Variants in ZNF841 observed in about 807,000 individuals in gnomAD.
ZNF841 encodes zinc finger protein 841.
Under a neutral mutation model 13.0 loss-of-function variants are expected in ZNF841, and 11 were observed. The ratio of observed to expected loss-of-function variants is 0.85; its 90% confidence interval spans 0.53 to 1.40. ZNF841 has a LOEUF of 1.40. Among genes scored for constraint, ZNF841 ranks in the 40% most tolerant of loss-of-function variants. ZNF841 has a pLI of 0.00. For missense variants in ZNF841, 1,068 were observed against 1,139.5 expected, an observed-to-expected ratio of 0.94 and a Z score of 0.90; for synonymous variants, 369 against 381.6, an observed-to-expected ratio of 0.97 and a Z score of 0.38.
At position 52,065,867 on chromosome 19, in the gene ZNF841, A is replaced by C. The variant is rs758713029; in HGVS notation, c.2015T>G (p.Leu672Arg). Residue 672 changes from leucine (L) to arginine (R), a missense_variant, in exon 7 of 7, where the codon CTG becomes CGG. Transcript: ENST00000594440. ...AGGGTTCTCTCCAGTATGAATTACC[A>C]GATGTTTAGTGAGGCTTGAACGCTG... ...YTQRSSLTKH[L>R]VIHTGENPYH... The C allele has an allele frequency of 5.0e-6, 8 of 1,613,816 alleles. No homozygotes were observed. The highest frequency in any genetic ancestry group is 1.7e-4 in the Middle Eastern group (1 of 6,058).
intron 4 of ZNF841, among the ~76,000 whole-genome samples, chr19:52,078,326 A>G (rs897973787): frequency 2.0e-5 from 3 of 152,074 alleles, no homozygotes; most frequent in Non-Finnish European, 2.9e-5. Context: ...AGCACACAGA[A>G]GCACACACAT....
chr19:52,080,577 C>A (rs2088065303), intron 4 of ZNF841, among the ~76,000 whole-genome samples: 2 of 152,062 alleles, frequency 1.3e-5, no homozygotes, highest in Admixed American at 1.3e-4. Context: ...TAAGCACTGA[C>A]AAGAACAAGG....
intron 3 of ZNF841, among the ~76,000 whole-genome samples, chr19:52,086,660 T>C (rs1317356353): frequency 1.3e-5 from 2 of 152,164 alleles, no homozygotes; most frequent in African/African-American, 4.8e-5. Flanking sequence ...AAGAAGAGGT[T>C]CAAGGACTAA....
intron 6 of ZNF841, among the ~76,000 whole-genome samples, chr19:52,075,453 C>T (rs1278712364): frequency 6.6e-6 from 1 of 152,132 alleles, no homozygotes; most frequent in Non-Finnish European, 1.5e-5. Context: ...AACTCATTCC[C>T]GTGTCACAAA....
At chr19:52,081,027 T>C (rs1364330097) in intron 4 of ZNF841, among the ~76,000 whole-genome samples, 1 of 152,200 alleles carries the variant, frequency 6.6e-6, no homozygotes, top group Non-Finnish European at 1.5e-5. Flanking sequence ...GTGATTTAAA[T>C]CTTGGCTTTG....
chr19:52,078,255 C>G (rs1225237471), intron 4 of ZNF841, among the ~76,000 whole-genome samples: 1 of 151,976 alleles, frequency 6.6e-6, no homozygotes, highest in Admixed American at 6.6e-5. Flanking sequence ...CCACTGCACT[C>G]CAGCCTGGAG....
chr19:52,094,714 T>C (rs933112381), intron 1 of ZNF841, among the ~76,000 whole-genome samples: 2 of 151,952 alleles, frequency 1.3e-5, no homozygotes, highest in South Asian at 2.1e-4. Context: ...TCTCTCCCTC[T>C]CTTTCAGTCC....
chr19:52,070,785 G>C (rs2087717640), intron 6 of ZNF841, among the ~76,000 whole-genome samples: 1 of 152,218 alleles, frequency 6.6e-6, no homozygotes, highest in South Asian at 2.1e-4. Flanking sequence ...TTTACGCAGT[G>C]TTATCAGACA....
chr19:52,062,587 A>G (rs770951083), downstream of ZNF841, among the ~76,000 whole-genome samples: 7 of 152,202 alleles, frequency 4.6e-5, no homozygotes, highest in South Asian at 1.2e-3. Context: ...AGAGACCACA[A>G]TGAAAGATGT....
intron 4 of ZNF841, among the ~76,000 whole-genome samples, chr19:52,082,684 T>C (rs2088138302): frequency 6.6e-6 from 1 of 152,178 alleles, no homozygotes; most frequent in Admixed American, 6.5e-5. Context: ...ACAGTGACAT[T>C]CTTTGCAAAA....
At position 52,067,458 on chromosome 19, in the gene ZNF841, C is replaced by G. The variant is rs1416181525; in HGVS notation, c.424G>C (p.Asp142His). 1.9e-6 allele frequency: 3 copies of G among 1,553,888 alleles called. No homozygotes were observed. The Admixed American group carries it at 5.9e-5, about 30-fold the overall frequency. Residue 142 changes from aspartate to histidine, a missense_variant, in exon 7 of 7, where the codon GAC (aspartate) becomes CAC (histidine). Physicochemically the swap from Asp to His is moderately conservative, Grantham distance 81. Coordinates refer to ENST00000594440, the MANE Select transcript of ZNF841 (RefSeq NM_001136499.2). ...ATTTCACCATCTTTCCATTGAAAGT[C>G]AACTTCCTGTAGATTTTTCCGGATT... is the stretch of plus-strand genomic sequence containing the variant. ...REIRKNLQEVDFQWKDGEINY... is the reference protein window; with the variant it reads ...REIRKNLQEVHFQWKDGEINY...
chr19:52,069,079 T>C (rs2087670376), intron 6 of ZNF841, among the ~76,000 whole-genome samples: 1 of 152,202 alleles, frequency 6.6e-6, no homozygotes, highest in Non-Finnish European at 1.5e-5. Context: ...ATTGTCTTTT[T>C]TTGCTTTTGG....
chr19:52,080,406 T>C (rs2088059533), intron 4 of ZNF841, among the ~76,000 whole-genome samples: 1 of 152,124 alleles, frequency 6.6e-6, no homozygotes, highest in Non-Finnish European at 1.5e-5. Context: ...ATTTGAAGCA[T>C]CCACTTGACA....
chr19:52,059,557 G>A (rs925816558), downstream of ZNF841, among the ~76,000 whole-genome samples: 3 of 151,706 alleles, frequency 2.0e-5, no homozygotes, highest in Admixed American at 6.6e-5. Context: ...TAATGTGCAA[G>A]TATATCAACA....
At position 52,065,788 on chromosome 19, in the gene ZNF841, T is replaced by C. The variant is rs772970512; in HGVS notation, c.2094A>G (p.Arg698=). The C allele has an allele frequency of 1.5e-5, 24 of 1,611,216 alleles. No individual in the cohort carries two copies. Among genetic ancestry groups the C allele is most frequent in the Non-Finnish European group, 2.0e-5 (23 of 1,178,428 alleles). The change falls in exon 7 of 7, where the codon AGA becomes AGG. Residue 698 remains arginine (R), a synonymous_variant. Transcript: ENST00000594440. The part of the protein sequence containing the change: ...EAFIQSSKLA[R]YHRNPTGEKP... Reference sequence around the variant, plus strand: ...TCTCCCCAGTAGGATTTCTGTGATATCTTGCAAGTTTTGAACTTTGGATAA... The same window carrying C: ...TCTCCCCAGTAGGATTTCTGTGATACCTTGCAAGTTTTGAACTTTGGATAA...
chr19:52,076,873 T>C lies in ZNF841; in HGVS notation c.142+85A>G. The C allele has an allele frequency of 5.3e-6, 8 of 1,517,848 alleles. No individual in the cohort carries two copies. The South Asian group carries it at 9.1e-5, about 17-fold the overall frequency. The allele number at this position is 1,517,848 out of a possible 1,614,324, so 94.0% of individuals were successfully genotyped here. A position where few individuals can be genotyped will look rare whatever the true frequency, so the allele number is the denominator to read the frequency against. Reference sequence around the variant, plus strand: ...CAAGGCTTCAGTCTCTGTCAAATAATGTAGGGCCTCACAAGAAACACAATA... The same window carrying C: ...CAAGGCTTCAGTCTCTGTCAAATAACGTAGGGCCTCACAAGAAACACAATA... On this transcript the variant is annotated intron_variant, in intron 5 of 6. Transcript: ENST00000594440.
intron 2 of ZNF841, among the ~76,000 whole-genome samples, chr19:52,090,679 GAAAGAA>G (rs2088455356): frequency 7.1e-6 from 1 of 141,272 alleles, no homozygotes; most frequent in Admixed American, 7.1e-5. Flanking sequence ...AAGAAAGAAA[GAAAGAA>G]AGAAAGAAAG....
chr19:52,084,188 T>C (rs905239351), intron 4 of ZNF841, among the ~76,000 whole-genome samples: 3 of 152,128 alleles, frequency 2.0e-5, no homozygotes, highest in Non-Finnish European at 4.4e-5. Context: ...GCTAAATTAA[T>C]CTGACATTCA....
intron 2 of ZNF841, among the ~76,000 whole-genome samples, chr19:52,092,192 G>T (rs2088519641): frequency 6.6e-6 from 1 of 152,076 alleles, no homozygotes; most frequent in South Asian, 2.1e-4. Flanking sequence ...AGGAAACAAT[G>T]AACTAAATGA....
Sources: allele counts gnomAD v4.1 joint callset (sites outside exome capture counted in the v4.1 genomes callset), GRCh38; gene constraint gnomAD v4.1.1; transcripts MANE v1.5; gene names NCBI Gene and HGNC (gene_info 2026-07-23, HGNC 2026-07-21).